Variants in CARD14 observed in about 807,000 individuals in gnomAD.
CARD14 encodes caspase recruitment domain family member 14.
A neutral mutation model predicts 111.5 loss-of-function variants in CARD14; 107 were observed. The ratio of observed to expected loss-of-function variants is 0.96; its 90% confidence interval spans 0.82 to 1.13. CARD14 has a LOEUF of 1.13. Among genes scored for constraint, CARD14 ranks in the 50% most tolerant of loss-of-function variants. The probability of loss-of-function intolerance (pLI) is 0.00; values close to 1 mark genes in which losing one functional copy is unlikely to be tolerated. For missense variants in CARD14, 1,322 were observed against 1,362.3 expected (o/e 0.97, Z 0.47); for synonymous variants, 617 against 579.6 (o/e 1.06, Z -0.93).
rs949671749 is a variant in CARD14 at position 80,182,875 on chromosome 17, G to T, written c.349+85G>T. 13 of 1,525,160 alleles carry T rather than the reference G, an allele frequency of 8.5e-6. No homozygotes were observed. Among genetic ancestry groups the T allele is most frequent in the Non-Finnish European group, 1.1e-5 (12 of 1,111,778 alleles). The allele number at this position is 1,525,160 out of a possible 1,614,324, so 94.5% of individuals were successfully genotyped here. On this transcript the variant is annotated intron_variant, in intron 6 of 23. Coordinates refer to ENST00000648509, the MANE Select transcript of CARD14 (RefSeq NM_001366385.1). The surrounding 1 kb of genome is among the most constrained non-coding windows in gnomAD (Gnocchi z 4.7). The stretch of plus-strand genomic sequence containing the variant: ...ACCCCAGGTGCCCCGCTTACTTGCC[G>T]ATTTGCCCTACTCCCCCTTCCCTCC...
In CARD14 at chr17:80,198,646, G is replaced by A; in HGVS notation, c.1851+55G>A. On this transcript the variant is annotated intron_variant, in intron 16 of 23. Transcript: ENST00000648509. This position sits in a 1 kb window ranked among gnomAD's most constrained non-coding sequence, Gnocchi z 7.5. ...CGGGCTCCTCATGGGGACAGTGGCA[G>A]CGGGTGGGGTGACCCAGGCAGACTT... 6.2e-7 allele frequency: 1 copy of A among 1,609,182 alleles called. No individual in the cohort carries two copies. Among genetic ancestry groups the A allele is most frequent in the Non-Finnish European group, 8.5e-7 (1 of 1,179,494 alleles).
intron 11 of CARD14, 136 bp downstream of exon 11, chr17:80,191,608 C>A: frequency 9.4e-7 from 1 of 1,058,534 alleles, no homozygotes; most frequent in Non-Finnish European, 1.4e-6. Flanking sequence ...CACGCGGCAC[C>A]TGCAGAGACG....
rs199869324 is a variant in CARD14 at position 80,198,401 on chromosome 17, G to C, written c.1661G>C (p.Gly554Ala). The change falls in exon 16 of 24, where the codon GGC (glycine) becomes GCC (alanine). Residue 554 changes from glycine (G) to alanine (A), a missense_variant and splice_region_variant. Physicochemically the swap from Gly to Ala is moderately conservative, Grantham distance 60. Transcript: ENST00000648509. This position sits in a 1 kb window ranked among gnomAD's most constrained non-coding sequence, Gnocchi z 7.5. ...GCCGGTCGTCTCCCGGCCTGCAGCG[G>C]CGTCCTCATGCGGCGGAGGCCAGCC... ...SPGRLDVSES[G>A]VLMRRRPARR... The C allele has an allele frequency of 2.1e-5, 34 of 1,598,990 alleles. No homozygotes were observed. In the African/African-American group the frequency reaches 4.5e-4, roughly 21 times the overall value.
At chr17:80,205,284 CTTCCTCCCT>C in intron 21 of CARD14, 79 bp downstream of exon 21, 1 of 1,308,960 alleles carries the variant, frequency 7.6e-7, no homozygotes, top group Non-Finnish European at 1.1e-6. Flanking sequence ...CCTTCCTCCC[CTTCCTCCCT>C]CCTCCTTCCC....
chr17:80,180,997 G>A (rs967409578), intron 4 of CARD14, among the ~76,000 whole-genome samples: 3 of 151,660 alleles, frequency 2.0e-5, no homozygotes. Context: ...TCTTAGGCTT[G>A]AGCAATCCTT....
At chr17:80,172,847 C>T (rs1245933396) in intron 1 of CARD14, 59 bp from the exon 2 acceptor site, 1 of 136,678 alleles carries the variant, frequency 7.3e-6, no homozygotes, top group Non-Finnish European at 1.6e-5. Flanking sequence ...TTTTATTGAA[C>T]CCATACTTGC....
intron 6 of CARD14, among the ~76,000 whole-genome samples, 167 bp from the exon 7 acceptor site, chr17:80,183,746 G>A (rs559310297): frequency 1.4e-5 from 2 of 147,910 alleles, no homozygotes; most frequent in South Asian, 2.2e-4. Context: ...ATGCCCACCC[G>A]CCCACATGCT....
Position 80,184,246 on chromosome 17 carries a change from G to A in CARD14, c.675+8G>A, listed in dbSNP as rs774718679. On this transcript the variant is annotated splice_region_variant and intron_variant, in intron 7 of 23. Coordinates refer to ENST00000648509, the MANE Select transcript of CARD14 (RefSeq NM_001366385.1). ...CGCAGCCTGCAGGAGGAGGTAGGGG[G>A]ACACCCTGCACCCCGGCGCGACCCT... 8.6e-6 allele frequency: 13 copies of A among 1,511,502 alleles called. No individual in the cohort carries two copies. The highest frequency in any genetic ancestry group is 6.9e-5 in the African/African-American group (5 of 72,576). The allele number at this position is 1,511,502 out of a possible 1,614,324, so 93.6% of individuals were successfully genotyped here. A position where few individuals can be genotyped will look rare whatever the true frequency, so the allele number is the denominator to read the frequency against.
chr17:80,205,964 G>A lies in CARD14; in HGVS notation c.2691+312G>A, dbSNP rs866258351. On this transcript the variant is annotated intron_variant, in intron 22 of 23. Coordinates refer to ENST00000648509, the MANE Select transcript of CARD14 (RefSeq NM_001366385.1). ...TCTCCACGTTTGAAGGCGCAAACGC[G>A]TGAAAAGCAGCTCCCCGTGAACCAC... The A allele has an allele frequency of 1.8e-5, 4 of 222,480 alleles. No homozygotes were observed. In the Admixed American group the frequency reaches 2.1e-4, roughly 12 times the overall value. The allele number at this position is 222,480 out of a possible 1,614,324, so 13.8% of individuals were successfully genotyped here.
In CARD14 at chr17:80,209,137, G is replaced by C. The variant is rs2041516755; in HGVS notation, c.*792G>C. ...GCCAAACATCTTTACTCCACCTTCA[G>C]GGCTCGGGGAGGACCCAGGTCCGCC... On this transcript the variant is annotated 3_prime_UTR_variant, in exon 24 of 24. Coordinates refer to ENST00000648509, the MANE Select transcript of CARD14 (RefSeq NM_001366385.1). 1 of 203,834 alleles carries C rather than the reference G, an allele frequency of 4.9e-6. No individual in the cohort carries two copies. Among genetic ancestry groups the C allele is most frequent in the African/African-American group, 2.4e-5 (1 of 42,436 alleles). 12.6% of individuals were successfully genotyped at this position (203,834 alleles called of 1,614,324 possible).
At chr17:80,190,704 C>T in intron 9 of CARD14, 70 bp from the exon 10 acceptor site, 1 of 1,587,150 alleles carries the variant, frequency 6.3e-7, no homozygotes, top group Non-Finnish European at 8.6e-7. Context: ...CCTGGGTTCC[C>T]CGACCCCCTT....
Position 80,205,039 on chromosome 17 carries a change from C to T in CARD14, c.2403C>T (p.Ser801=), listed in dbSNP as rs189286068. The T allele has an allele frequency of 3.9e-4, 628 of 1,593,392 alleles. 6 individuals carry two copies. The East Asian group carries it at 0.014, about 35-fold the overall frequency. The part of the protein sequence containing the change: ...GQLDPSRMEG[S]STCFWAESCL... ...TCAGGATCCTCTCCTCCACAGGCTC[C>T]AGCACGTGCTTCTGGGCCGAGAGCT... The change falls in exon 21 of 24, where the codon TCC becomes TCT. Residue 801 remains serine, a synonymous_variant. Coordinates refer to ENST00000648509, the MANE Select transcript of CARD14 (RefSeq NM_001366385.1).
Position 80,208,211 on chromosome 17 carries a change from G to A in CARD14, c.2881G>A (p.Asp961Asn), listed in dbSNP as rs747172725. 4.5e-6 allele frequency: 7 copies of A among 1,558,114 alleles called. No individual in the cohort carries two copies. The highest frequency in any genetic ancestry group is 1.9e-5 in the Admixed American group (1 of 51,396). ...EAARQEEGDL[D>N]RAPCLYSSLA... Reference sequence around the variant, plus strand: ...TGCGAGGCAGGAGGAGGGAGACCTGGACCGGGCGCCCTGTCTATACAGCAG... The same window carrying A: ...TGCGAGGCAGGAGGAGGGAGACCTGAACCGGGCGCCCTGTCTATACAGCAG... The change falls in exon 24 of 24, where the codon GAC (aspartate) becomes AAC (asparagine). Residue 961 changes from aspartate (D) to asparagine (N), a missense_variant. Physicochemically the swap from Asp to Asn is conservative, Grantham distance 23. Coordinates refer to ENST00000648509, the MANE Select transcript of CARD14 (RefSeq NM_001366385.1).
rs1333439448 is a variant in CARD14, at chr17:80,186,475, A to G, written c.676-1902A>G. ...TGGCCTCACAAGATATTCCAGGGTC[A>G]TCTTGTACCCGGCCTACCCCAAATC... On this transcript the variant is annotated intron_variant, in intron 7 of 23. Transcript: ENST00000648509. Among the ~76,000 whole-genome samples the G allele has an allele frequency of 2.0e-5, 3 of 152,150 alleles. No individual in the cohort carries two copies. The East Asian group carries it at 5.8e-4, about 29-fold the overall frequency.
At chr17:80,202,754 G>C (rs1464088177) in intron 18 of CARD14, 1 of 414,334 alleles carries the variant, frequency 2.4e-6, no homozygotes, top group Non-Finnish European at 3.8e-6. Flanking sequence ...CAGCATCCCT[G>C]GCCGCCCTAC....
At chr17:80,190,549 G>A (rs1057078424) in intron 9 of CARD14, among the ~76,000 whole-genome samples, 7 of 151,322 alleles carry the variant, frequency 4.6e-5, no homozygotes, top group African/African-American at 1.7e-4. Context: ...GGAAGCAGAG[G>A]TTGCAGCGAG....
chr17:80,205,473 A>G (rs2041246976), intron 21 of CARD14, 58 bp from the exon 22 acceptor site: 1 of 1,554,514 alleles, frequency 6.4e-7, no homozygotes, highest in African/African-American at 1.4e-5. Context: ...TTACCATGGG[A>G]CTCCCCCAGA....
chr17:80,195,658 C>T lies in CARD14; in HGVS notation c.1594+6C>T, dbSNP rs1166603291. On this transcript the variant is annotated splice_donor_region_variant and intron_variant, in intron 14 of 23. Coordinates refer to ENST00000648509, the MANE Select transcript of CARD14 (RefSeq NM_001366385.1). This position sits in a 1 kb window ranked among gnomAD's most constrained non-coding sequence, Gnocchi z 4.7. ...TGAGCTCCTAGACACGGCAGGTGAG[C>T]ACGCCCAACCCTGAACCTCCACAGC... 2 of 1,608,922 alleles carry T rather than the reference C, an allele frequency of 1.2e-6. No homozygotes were observed. Among genetic ancestry groups the T allele is most frequent in the Non-Finnish European group, 1.7e-6 (2 of 1,177,674 alleles).
At chr17:80,205,346 A>G (rs2041239536) in intron 21 of CARD14, 141 bp downstream of exon 21, 1 of 1,145,752 alleles carries the variant, frequency 8.7e-7, no homozygotes, top group Non-Finnish European at 1.2e-6. Flanking sequence ...CTGTGTCCAG[A>G]TAGTTCAGGA....
Sources: allele counts gnomAD v4.1 joint callset (sites outside exome capture counted in the v4.1 genomes callset), GRCh38; gene constraint gnomAD v4.1.1; non-coding constraint Gnocchi (gnomAD v3.1); transcripts MANE v1.5; gene names NCBI Gene and HGNC (gene_info 2026-07-23, HGNC 2026-07-21).